COL11A2: variants seen among roughly 807,000 people sequenced by gnomAD.
COL11A2 encodes collagen alpha-2(XI) chain.
A neutral mutation model predicts 273.4 loss-of-function variants in COL11A2; 116 were observed. The observed-to-expected ratio is 0.42, with a 90% confidence interval of 0.36 to 0.49. The LOEUF (loss-of-function observed/expected upper bound fraction) is 0.49. Among genes scored for constraint, COL11A2 ranks in the 20% least tolerant of loss-of-function variants. The pLI is 0.00. For missense variants in COL11A2, 1,866 were observed against 2,309.0 expected (o/e 0.81, Z 3.93); for synonymous variants, 782 against 864.2 (o/e 0.90, Z 1.67).
In COL11A2 at chr6:33,168,717, G is replaced by C. The variant is rs1442230617; in HGVS notation, c.3895C>G (p.Pro1299Ala). ...AKGDRGEDGE[P>A]GQPGSPGPTG... is the part of the protein sequence containing the mutation. Reference sequence around the variant, plus strand: ...CACCAGGCACTCACAGGCTGTCCTGGCTCACCATCCTCGCCTCGGTCACCC... The same window carrying C: ...CACCAGGCACTCACAGGCTGTCCTGCCTCACCATCCTCGCCTCGGTCACCC... Residue 1299 changes from proline to alanine, a missense_variant, in exon 53 of 66, where the codon CCA becomes GCA. Coordinates refer to ENST00000341947, the MANE Select transcript of COL11A2 (RefSeq NM_080680.3). The C allele has an allele frequency of 6.3e-7, 1 of 1,592,946 alleles. No homozygotes were observed. Among genetic ancestry groups the C allele is most frequent in the African/African-American group, 1.3e-5 (1 of 74,158 alleles).
At position 33,178,600 on chromosome 6, in the gene COL11A2, C is replaced by T. The variant is rs906788011; in HGVS notation, c.1719+79G>A. On this transcript the variant is annotated intron_variant, in intron 18 of 65. Transcript: ENST00000341947. This position sits in a 1 kb window ranked among gnomAD's most constrained non-coding sequence, Gnocchi z 4.6. ...TTTCACTGAGCTCCTGCCAAGCCTC[C>T]AGCCTCCCTTCCCTACCTATCCTCA... is the stretch of plus-strand genomic sequence containing the variant. The T allele has an allele frequency of 1.9e-6, 3 of 1,606,468 alleles. No homozygotes were observed. Among genetic ancestry groups the T allele is most frequent in the African/African-American group, 1.3e-5 (1 of 74,772 alleles).
Position 33,167,286 on chromosome 6 carries a change from T to C in COL11A2, c.4154A>G (p.Gln1385Arg), listed in dbSNP as rs1769291948. ...GQQGRPGATG[Q>R]AGPPGPVGPP... is the part of the protein sequence containing the mutation. ...CACCACAGGACCTGGGGGCCCAGCC[T>C]GGCCTGTAGCTCCAGGTCGGCCTTG... Residue 1385 changes from glutamine (Q) to arginine (R), a missense_variant, in exon 57 of 66, where the codon CAG (glutamine) becomes CGG (arginine). Coordinates refer to ENST00000341947, the MANE Select transcript of COL11A2 (RefSeq NM_080680.3). The surrounding 1 kb of genome is among the most constrained non-coding windows in gnomAD (Gnocchi z 6.1). 10 of 1,613,858 alleles carry C rather than the reference T, an allele frequency of 6.2e-6. No homozygotes were observed. The highest frequency in any genetic ancestry group is 8.5e-6 in the Non-Finnish European group (10 of 1,180,016).
chr6:33,181,475 T>C (rs976841038), intron 8 of COL11A2, among the ~76,000 whole-genome samples: 1 of 152,044 alleles, frequency 6.6e-6, no homozygotes, highest in Non-Finnish European at 1.5e-5. Flanking sequence ...GTTTGTTTGT[T>C]TGTTTTTCTT....
In COL11A2 at chr6:33,169,332, C is replaced by T; in HGVS notation, c.3798+51G>A. On this transcript the variant is annotated intron_variant, in intron 51 of 65. Coordinates refer to ENST00000341947, the MANE Select transcript of COL11A2 (RefSeq NM_080680.3). This position sits in a 1 kb window ranked among gnomAD's most constrained non-coding sequence, Gnocchi z 5.5. ...CTCACACACACCCATATTCCCAGGT[C>T]TGTCATTCACAGGGCCTGAGAGGAC... 1 of 1,505,566 alleles carries T rather than the reference C, an allele frequency of 6.6e-7. No homozygotes were observed. The highest frequency in any genetic ancestry group is 9.2e-7 in the Non-Finnish European group (1 of 1,087,446). 93.3% of individuals were successfully genotyped at this position (1,505,566 alleles called of 1,614,324 possible). A position where few individuals can be genotyped will look rare whatever the true frequency, so the allele number is the denominator to read the frequency against.
Position 33,179,962 on chromosome 6 carries a change from C to G in COL11A2, c.1360-157G>C, listed in dbSNP as rs565520662. Among the ~76,000 whole-genome samples the G allele has an allele frequency of 6.6e-6, 1 of 152,336 alleles. No individual in the cohort carries two copies. The highest frequency in any genetic ancestry group is 6.5e-5 in the Admixed American group (1 of 15,308). ...ATAATCACTTAGAGGATTCCAGAAA[C>G]TCAACTCCTGCCCTCCTCCACTGTC... On this transcript the variant is annotated intron_variant, in intron 12 of 65. Coordinates refer to ENST00000341947, the MANE Select transcript of COL11A2 (RefSeq NM_080680.3). The surrounding 1 kb of genome is among the most constrained non-coding windows in gnomAD (Gnocchi z 6.4).
In COL11A2 at chr6:33,166,666, C is replaced by G; in HGVS notation, c.4338+54G>C. ...CTGAGTCCCAACTCCAACTCCACCC[C>G]TCTCCACCCCACTCTCAACCCCCAC... On this transcript the variant is annotated intron_variant, in intron 59 of 65. Coordinates refer to ENST00000341947, the MANE Select transcript of COL11A2 (RefSeq NM_080680.3). This position sits in a 1 kb window ranked among gnomAD's most constrained non-coding sequence, Gnocchi z 4.8. The G allele has an allele frequency of 1.2e-6, 2 of 1,611,678 alleles. No individual in the cohort carries two copies. Among genetic ancestry groups the G allele is most frequent in the Non-Finnish European group, 1.7e-6 (2 of 1,177,986 alleles).
rs1248529720 is a variant in COL11A2, at chr6:33,192,163, C to G, written c.78G>C (p.Trp26Cys). ...LVLGLSAAPG[W>C]AGAPPVDVLR... Reference sequence around the variant, plus strand: ...AGGCATCAGGACTCCTCTTACCTGCCCAGCCTGGGGCCGCGCTCAGCCCCA... The same window carrying G: ...AGGCATCAGGACTCCTCTTACCTGCGCAGCCTGGGGCCGCGCTCAGCCCCA... Residue 26 changes from tryptophan (W) to cysteine (C), a missense_variant, in exon 1 of 66, where the codon TGG (tryptophan) becomes TGC (cysteine). Trp to Cys is a radical substitution (Grantham distance 215). Transcript: ENST00000341947. 3.2e-6 allele frequency: 5 copies of G among 1,557,222 alleles called. No individual in the cohort carries two copies. Among genetic ancestry groups the G allele is most frequent in the Non-Finnish European group, 4.3e-6 (5 of 1,150,314 alleles).
At chr6:33,183,932 A>G (rs894518542) in intron 8 of COL11A2, among the ~76,000 whole-genome samples, 1 of 152,090 alleles carries the variant, frequency 6.6e-6, no homozygotes, top group Non-Finnish European at 1.5e-5. Context: ...TGAGCTTCAG[A>G]AGTATCCACA....
intron 8 of COL11A2, among the ~76,000 whole-genome samples, chr6:33,181,576 G>C (rs968532550): frequency 6.6e-6 from 1 of 152,150 alleles, no homozygotes; most frequent in Non-Finnish European, 1.5e-5. Flanking sequence ...CCAGGTTCAA[G>C]TGATTCTCCT....
In COL11A2 at chr6:33,164,728, A is replaced by G; in HGVS notation, c.4863+124T>C. ...AAAAGAAGAAAGAGCTAAGAAGTGG[A>G]GAAGGGGTGGCAGGCTCCGGGGGGG... On this transcript the variant is annotated intron_variant, in intron 64 of 65. Transcript: ENST00000341947. This position sits in a 1 kb window ranked among gnomAD's most constrained non-coding sequence, Gnocchi z 4.7. 1.2e-6 allele frequency: 1 copy of G among 814,044 alleles called. No homozygotes were observed. The highest frequency in any genetic ancestry group is 2.0e-6 in the Non-Finnish European group (1 of 499,514). The allele number at this position is 814,044 out of a possible 1,614,324, so 50.4% of individuals were successfully genotyped here.
chr6:33,173,832 A>C lies in COL11A2; in HGVS notation c.2583+41T>G. The C allele has an allele frequency of 6.8e-6, 11 of 1,612,912 alleles. No homozygotes were observed. Among genetic ancestry groups the C allele is most frequent in the Non-Finnish European group, 9.3e-6 (11 of 1,179,028 alleles). On this transcript the variant is annotated intron_variant, in intron 34 of 65. Coordinates refer to ENST00000341947, the MANE Select transcript of COL11A2 (RefSeq NM_080680.3). This position sits in a 1 kb window ranked among gnomAD's most constrained non-coding sequence, Gnocchi z 6.3. Reference sequence around the variant, plus strand: ...GGATGTTGAGGGAGAGCTGGGGCTGAGTGGGCAGGGGGCAGTTGGAGCCTT... The same window carrying C: ...GGATGTTGAGGGAGAGCTGGGGCTGCGTGGGCAGGGGGCAGTTGGAGCCTT...
chr6:33,163,437 C>T lies in COL11A2; in HGVS notation c.*241G>A. ...GGTGAGTTTTAAATAAGGGTCTCAG[C>T]TCTCTAACGGGTAACAGGCTCCAGG... On this transcript the variant is annotated 3_prime_UTR_variant, in exon 66 of 66. Transcript: ENST00000341947. This position sits in a 1 kb window ranked among gnomAD's most constrained non-coding sequence, Gnocchi z 4.1. 1 of 601,596 alleles carries T rather than the reference C, an allele frequency of 1.7e-6. No homozygotes were observed. The highest frequency in any genetic ancestry group is 2.8e-5 in the East Asian group (1 of 35,998). 37.3% of individuals were successfully genotyped at this position (601,596 alleles called of 1,614,324 possible). A position where few individuals can be genotyped will look rare whatever the true frequency, so the allele number is the denominator to read the frequency against.
At position 33,185,691 on chromosome 6, in the gene COL11A2, T is replaced by G; in HGVS notation, c.876+10A>C. On this transcript the variant is annotated intron_variant, in intron 6 of 65. Coordinates refer to ENST00000341947, the MANE Select transcript of COL11A2 (RefSeq NM_080680.3). ...GAAAGGGAAGAAATGAAGGGGTCCCTTGAGTTTACCTGATAATCAGGGGTT... is the reference window on the plus strand; with the variant it reads ...GAAAGGGAAGAAATGAAGGGGTCCCGTGAGTTTACCTGATAATCAGGGGTT... The G allele has an allele frequency of 7.5e-7, 1 of 1,337,538 alleles. No homozygotes were observed. Among genetic ancestry groups the G allele is most frequent in the Non-Finnish European group, 1.0e-6 (1 of 995,784 alleles). 82.9% of individuals were successfully genotyped at this position (1,337,538 alleles called of 1,614,324 possible).
intron 38 of COL11A2, 149 bp downstream of exon 38, chr6:33,172,911 C>T: frequency 6.8e-6 from 6 of 887,968 alleles, no homozygotes; most frequent in Non-Finnish European, 1.1e-5. Flanking sequence ...AGTTCAGGAC[C>T]CCTGCCTGAA....
At position 33,188,437 on chromosome 6, in the gene COL11A2, T is replaced by C; in HGVS notation, c.531A>G (p.Arg177=). 6.2e-7 allele frequency: 1 copy of C among 1,613,008 alleles called. No homozygotes were observed. The highest frequency in any genetic ancestry group is 8.5e-7 in the Non-Finnish European group (1 of 1,180,018). Reference sequence around the variant, plus strand: ...GGGTGTCCAATACTGGACGAGCACTTCGGGGGAGAGGCCGGGTGACTCGCT... The same window carrying C: ...GGGTGTCCAATACTGGACGAGCACTCCGGGGGAGAGGCCGGGTGACTCGCT... ...CKKRVTRPLP[R]SARPVLDTHG... Residue 177 remains arginine, a synonymous_variant, in exon 4 of 66, where the codon CGA becomes CGG. Transcript: ENST00000341947.
In COL11A2 at chr6:33,164,787, A is replaced by C. The variant is rs1583282873; in HGVS notation, c.4863+65T>G. On this transcript the variant is annotated intron_variant, in intron 64 of 65. Transcript: ENST00000341947. The surrounding 1 kb of genome is among the most constrained non-coding windows in gnomAD (Gnocchi z 4.7). ...CAGGGGACTGTCACCAAAACCCAGAAACCACTAAGCCCTGAGGGGGTGCAC... is the reference window on the plus strand; with the variant it reads ...CAGGGGACTGTCACCAAAACCCAGACACCACTAAGCCCTGAGGGGGTGCAC... The C allele has an allele frequency of 4.2e-6, 6 of 1,429,686 alleles. No individual in the cohort carries two copies. Among genetic ancestry groups the C allele is most frequent in the Non-Finnish European group, 5.8e-6 (6 of 1,041,198 alleles). 88.6% of individuals were successfully genotyped at this position (1,429,686 alleles called of 1,614,324 possible).
intron 30 of COL11A2, 169 bp downstream of exon 30, chr6:33,175,402 ATCC>A (rs1405952935): frequency 2.8e-6 from 2 of 704,742 alleles, no homozygotes; most frequent in African/African-American, 1.7e-5. Flanking sequence ...CTTCTTATAT[ATCC>A]CCTCTGCCCA....
At position 33,173,150 on chromosome 6, in the gene COL11A2, G is replaced by T. The variant is rs954260267; in HGVS notation, c.2737-37C>A. The stretch of plus-strand genomic sequence containing the variant: ...AGAGAGGAGAATGCAGTGAAAGCAG[G>T]TGTGGGCGCTGTGGGGCAGATTCCC... On this transcript the variant is annotated intron_variant, in intron 37 of 65. Transcript: ENST00000341947. The surrounding 1 kb of genome is among the most constrained non-coding windows in gnomAD (Gnocchi z 6.3). The T allele has an allele frequency of 1.3e-6, 2 of 1,599,152 alleles. No homozygotes were observed. The highest frequency in any genetic ancestry group is 1.7e-6 in the Non-Finnish European group (2 of 1,172,582).
In COL11A2 at chr6:33,177,424, G is replaced by A. The variant is rs754208523; in HGVS notation, c.1959C>T (p.Thr653=). The A allele has an allele frequency of 3.0e-5, 48 of 1,612,890 alleles. No homozygotes were observed. The highest frequency in any genetic ancestry group is 3.9e-5 in the Non-Finnish European group (46 of 1,179,954). Residue 653 remains threonine (T), a synonymous_variant, in exon 23 of 66, where the codon ACC becomes ACT. Transcript: ENST00000341947. The surrounding 1 kb of genome is among the most constrained non-coding windows in gnomAD (Gnocchi z 5.9). ...GEPGPPGQQG[T]PGTQGLPGPQ... ...GGGCACCGCTCACCTGGGTCCCAGG[G>A]GTGCCCTGTTGTCCAGGAGGTCCTG...
Sources: gnomAD v4.1 joint callset for allele counts (sites outside exome capture counted in the v4.1 genomes callset) on GRCh38, gnomAD v4.1.1 for gene constraint, Gnocchi (gnomAD v3.1) non-coding constraint, MANE v1.5 for transcripts, NCBI Gene and HGNC (gene_info 2026-07-23, HGNC 2026-07-21) for gene names.